Variants in HTRA1 observed in about 807,000 individuals in gnomAD.
HTRA1 encodes HtrA serine peptidase 1.
HTRA1 carries 26 observed loss-of-function variants against 49.7 expected under a neutral mutation model. The ratio of observed to expected loss-of-function variants is 0.52; its 90% CI spans 0.38 to 0.73. The LOEUF (loss-of-function observed/expected upper bound fraction) is 0.73. HTRA1 is among the 30% of genes least tolerant of loss of function. The pLI is 0.00. For synonymous variants in HTRA1, 291 were observed against 286.9 expected, an observed-to-expected ratio of 1.01 and a Z score of -0.14; for missense variants, 561 against 667.2, an observed-to-expected ratio of 0.84 and a Z score of 1.75.
chr10:122,492,652 A>G (rs1440429794), intron 3 of HTRA1, among the ~76,000 whole-genome samples: 1 of 152,138 alleles, frequency 6.6e-6, no homozygotes, highest in Non-Finnish European at 1.5e-5. Context: ...GATATTCTTG[A>G]GACTTTCAGT....
At position 122,494,528 on chromosome 10, in the gene HTRA1, G is replaced by A. The variant is rs577319606; in HGVS notation, c.777+4902G>A. ...GTCTTTGGTAACGGAAAGCGCTGGT[G>A]AAACAGTGAGCTTTCCCGTGGGTGC... On this transcript the variant is annotated intron_variant, in intron 3 of 8. Coordinates refer to ENST00000368984, the MANE Select transcript of HTRA1 (RefSeq NM_002775.5). The surrounding 1 kb of genome is among the most constrained non-coding windows in gnomAD (Gnocchi z 4.0). 2.6e-5 allele frequency among the ~76,000 whole-genome samples: 4 copies of A among 152,322 alleles called. No homozygotes were observed. The South Asian group carries it at 8.3e-4, about 32-fold the overall frequency.
chr10:122,506,955 G>A lies in HTRA1; in HGVS notation c.972+70G>A. ...GCCAGGGGGAGAGGAGTCAGCATAG[G>A]TCTTAGCCCCTGACTTTGTTGTAGT... is the stretch of plus-strand genomic sequence containing the variant. On this transcript the variant is annotated intron_variant, in intron 4 of 8. Coordinates refer to ENST00000368984, the MANE Select transcript of HTRA1 (RefSeq NM_002775.5). The surrounding 1 kb of genome is among the most constrained non-coding windows in gnomAD (Gnocchi z 5.2). 7.3e-7 allele frequency: 1 copy of A among 1,371,102 alleles called. No individual in the cohort carries two copies. The highest frequency in any genetic ancestry group is 1.0e-6 in the Non-Finnish European group (1 of 972,678). The allele number at this position is 1,371,102 out of a possible 1,614,324, so 84.9% of individuals were successfully genotyped here. A position where few individuals can be genotyped will look rare whatever the true frequency, so the allele number is the denominator to read the frequency against.
intron 1 of HTRA1, among the ~76,000 whole-genome samples, 172 bp from the exon 2 acceptor site, chr10:122,488,730 C>G (rs893191161): frequency 6.6e-6 from 1 of 152,188 alleles, no homozygotes; most frequent in Non-Finnish European, 1.5e-5. Context: ...TGGGCACTCC[C>G]TTGGGAGGTG....
rs1361590497 is a variant in HTRA1 at position 122,506,254 on chromosome 10, C to T, written c.778-437C>T. On this transcript the variant is annotated intron_variant, in intron 3 of 8. Coordinates refer to ENST00000368984, the MANE Select transcript of HTRA1 (RefSeq NM_002775.5). This position sits in a 1 kb window ranked among gnomAD's most constrained non-coding sequence, Gnocchi z 5.2. ...ACATGATGAGTCGGGGCAGGTTTCACTGCCTGTAGCTTGGGATCCTTCCCT... is the reference window on the plus strand; with the variant it reads ...ACATGATGAGTCGGGGCAGGTTTCATTGCCTGTAGCTTGGGATCCTTCCCT... 6.6e-6 allele frequency among the ~76,000 whole-genome samples: 1 copy of T among 152,152 alleles called. No homozygotes were observed. The highest frequency in any genetic ancestry group is 2.4e-5 in the African/African-American group (1 of 41,430).
chr10:122,492,411 G>A (rs1479236295), intron 3 of HTRA1, among the ~76,000 whole-genome samples: 1 of 152,166 alleles, frequency 6.6e-6, no homozygotes, highest in African/African-American at 2.4e-5. Flanking sequence ...TCCGCTCACT[G>A]CAACCTCCAC....
intron 3 of HTRA1, among the ~76,000 whole-genome samples, chr10:122,503,109 G>A (rs1591038554): frequency 1.3e-5 from 2 of 152,346 alleles, no homozygotes; most frequent in African/African-American, 2.4e-5. Flanking sequence ...AGACTCAGAG[G>A]TGCTTTGCTG....
chr10:122,479,129 T>C (rs1212474681), intron 1 of HTRA1, among the ~76,000 whole-genome samples: 1 of 152,234 alleles, frequency 6.6e-6, no homozygotes, highest in African/African-American at 2.4e-5. Context: ...CCAAATTAGC[T>C]CTACGTATCA....
At chr10:122,502,968 C>T (rs1468524186) in intron 3 of HTRA1, among the ~76,000 whole-genome samples, 26 of 152,356 alleles carry the variant, frequency 1.7e-4, no homozygotes, top group South Asian at 2.1e-4. Flanking sequence ...CCTTTTCATC[C>T]GTCAGTGGGG....
chr10:122,476,105 A>T (rs917575059), intron 1 of HTRA1, among the ~76,000 whole-genome samples: 3 of 152,152 alleles, frequency 2.0e-5, no homozygotes, highest in African/African-American at 7.2e-5. Context: ...CTCACTGGCC[A>T]TTAGGAACCT....
intron 3 of HTRA1, among the ~76,000 whole-genome samples, chr10:122,503,738 T>G (rs2097501872): frequency 6.6e-6 from 1 of 152,162 alleles, no homozygotes; most frequent in Non-Finnish European, 1.5e-5. Flanking sequence ...GGCAAAAGCT[T>G]ATTCCTTTCA....
In HTRA1 at chr10:122,507,571, G is replaced by A. The variant is rs2672583; in HGVS notation, c.1005+169G>A. ...TAAAATGGCTCTGTAAATGTACTGC[G>A]TGCTTGCAAATGACCCTACGGATCT... On this transcript the variant is annotated intron_variant, in intron 5 of 8. Coordinates refer to ENST00000368984, the MANE Select transcript of HTRA1 (RefSeq NM_002775.5). 0.29 allele frequency among the ~76,000 whole-genome samples: 44,295 copies of A among 152,042 alleles called. 7,128 individuals carry two copies. Among genetic ancestry groups the A allele is most frequent in the Admixed American group, 0.41 (6,245 of 15,254 alleles).
intron 1 of HTRA1, among the ~76,000 whole-genome samples, chr10:122,483,723 C>A (rs2097491993): frequency 6.6e-6 from 1 of 152,154 alleles, no homozygotes; most frequent in African/African-American, 2.4e-5. Flanking sequence ...TGGTATTTCT[C>A]TCCATTTATT....
intron 7 of HTRA1, among the ~76,000 whole-genome samples, chr10:122,511,156 G>A (rs772951944): frequency 2.0e-5 from 3 of 152,274 alleles, no homozygotes; most frequent in Non-Finnish European, 4.4e-5. Context: ...CTCAGATCAG[G>A]GAGTGGTGGC....
intron 1 of HTRA1, among the ~76,000 whole-genome samples, chr10:122,465,739 C>T (rs1215045769): frequency 1.3e-5 from 2 of 152,118 alleles, no homozygotes; most frequent in Non-Finnish European, 2.9e-5. Context: ...CAAAAAGAGC[C>T]GAGGGACTGT....
At chr10:122,512,897 T>C (rs980013485) in intron 8 of HTRA1, among the ~76,000 whole-genome samples, 3 of 152,182 alleles carry the variant, frequency 2.0e-5, no homozygotes, top group Non-Finnish European at 2.9e-5. Context: ...TGTATCATTC[T>C]TATGCCTTTG....
chr10:122,508,659 G>C lies in HTRA1; in HGVS notation c.1009G>C (p.Gly337Arg). 3 of 1,600,084 alleles carry C rather than the reference G, an allele frequency of 1.9e-6. No homozygotes were observed. The highest frequency in any genetic ancestry group is 2.2e-5 in the East Asian group (1 of 44,814). Reference sequence around the variant, plus strand: ...CCGTGTCCTTCTTGCTTTTCAGGACGGTGAAGTGATTGGAATTAACACTTT... The same window carrying C: ...CCGTGTCCTTCTTGCTTTTCAGGACCGTGAAGTGATTGGAATTAACACTTT... ...NSGGPLVNLD[G>R]EVIGINTLKV... Residue 337 changes from glycine to arginine, a missense_variant, in exon 6 of 9, where the codon GGT becomes CGT. By Grantham distance (125) the Gly-to-Arg change is moderately radical (BLOSUM62 -2). Coordinates refer to ENST00000368984, the MANE Select transcript of HTRA1 (RefSeq NM_002775.5).
At chr10:122,475,445 T>C (rs1248083537) in intron 1 of HTRA1, among the ~76,000 whole-genome samples, 3 of 152,260 alleles carry the variant, frequency 2.0e-5, no homozygotes, top group African/African-American at 7.2e-5. Flanking sequence ...CACGAAACTC[T>C]CCTGAATTTC....
chr10:122,479,524 C>T (rs2097490073), intron 1 of HTRA1, among the ~76,000 whole-genome samples: 1 of 152,120 alleles, frequency 6.6e-6, no homozygotes, highest in Non-Finnish European at 1.5e-5. Context: ...AGATGCTCTA[C>T]AATAAATAGA....
intron 1 of HTRA1, among the ~76,000 whole-genome samples, chr10:122,478,510 A>G (rs2133430427): frequency 6.7e-6 from 1 of 148,932 alleles, no homozygotes; most frequent in Admixed American, 6.9e-5. Flanking sequence ...CTCCTGCCTC[A>G]GCCTCCCGAG....
Sources: allele counts gnomAD v4.1 joint callset (sites outside exome capture counted in the v4.1 genomes callset), GRCh38; gene constraint gnomAD v4.1.1; non-coding constraint Gnocchi (gnomAD v3.1); transcripts MANE v1.5; gene names NCBI Gene and HGNC (gene_info 2026-07-23, HGNC 2026-07-21).